Variants in TANC2 observed in about 807,000 individuals in gnomAD.
TANC2 encodes protein TANC2.
TANC2 carries 26 observed loss-of-function variants against 210.5 expected under a neutral mutation model. The ratio of observed to expected loss-of-function variants is 0.12; its 90% confidence interval spans 0.09 to 0.17. TANC2 has a LOEUF of 0.17. Among genes scored for constraint, TANC2 ranks in the 10% least tolerant of loss-of-function variants. The pLI is 1.00. For missense variants in TANC2, 2,129 were observed against 2,608.9 expected (o/e 0.82, Z 4.01); for synonymous variants, 931 against 967.1 (o/e 0.96, Z 0.69).
At chr17:63,008,714 G>C (rs2033734618) in intron 1 of TANC2, among the ~76,000 whole-genome samples, 1 of 152,086 alleles carries the variant, frequency 6.6e-6, no homozygotes, top group Non-Finnish European at 1.5e-5. Context: ...CAGTCAGAGA[G>C]TTTTCCTTTG....
exon 13 of TANC2, chr17:63,351,278 C>T: frequency 1.2e-6 from 2 of 1,607,330 alleles, no homozygotes; most frequent in Non-Finnish European, 1.7e-6. Context: ...AAGATTTCAT[C>T]ATTTTAATTG....
intron 3 of TANC2, among the ~76,000 whole-genome samples, chr17:63,083,588 A>G (rs543767507): frequency 6.6e-6 from 1 of 152,232 alleles, no homozygotes; most frequent in Admixed American, 6.5e-5. Flanking sequence ...TCTCCAAGCC[A>G]GGTAAAATGC....
At chr17:63,404,182 C>T (rs1484541329) in intron 19 of TANC2, among the ~76,000 whole-genome samples, 1 of 152,166 alleles carries the variant, frequency 6.6e-6, no homozygotes, top group Non-Finnish European at 1.5e-5. Flanking sequence ...AACAGTGTTT[C>T]CATCCTCCAT....
chr17:63,067,955 C>T (rs989725838), intron 2 of TANC2, among the ~76,000 whole-genome samples: 6 of 152,158 alleles, frequency 3.9e-5, no homozygotes, highest in African/African-American at 1.2e-4. Context: ...TTTACAGATT[C>T]AGGAAGCTGA....
intron 2 of TANC2, among the ~76,000 whole-genome samples, chr17:63,071,552 A>G (rs1224652985): frequency 2.6e-5 from 4 of 152,134 alleles, no homozygotes; most frequent in Admixed American, 6.6e-5. Flanking sequence ...CAGAATTCCT[A>G]CTGAGGTACT....
exon 10 of TANC2, chr17:63,314,505 A>T (rs759835968): frequency 6.2e-7 from 1 of 1,613,928 alleles, no homozygotes; most frequent in South Asian, 1.1e-5. Flanking sequence ...CACGAAATAG[A>T]TGCTCAACTT....
intron 9 of TANC2, among the ~76,000 whole-genome samples, chr17:63,273,715 T>A (rs1346755634): frequency 3.9e-5 from 6 of 152,224 alleles, no homozygotes. Context: ...TTTCACCTCC[T>A]TCAATACTGC....
intron 11 of TANC2, among the ~76,000 whole-genome samples, chr17:63,324,735 CTTG>C (rs977533087): frequency 4.6e-5 from 7 of 152,026 alleles, no homozygotes; most frequent in Non-Finnish European, 1.0e-4. Context: ...GGAAAACAGC[CTTG>C]TTGTTTATTG....
chr17:63,377,872 C>T (rs1237142320), intron 14 of TANC2, among the ~76,000 whole-genome samples: 2 of 152,158 alleles, frequency 1.3e-5, no homozygotes, highest in Admixed American at 6.5e-5. Flanking sequence ...GCAGAAGGCA[C>T]CTCTTCACAA....
intron 5 of TANC2, among the ~76,000 whole-genome samples, chr17:63,160,799 T>C (rs2039999799): frequency 6.6e-6 from 1 of 152,214 alleles, no homozygotes; most frequent in South Asian, 2.1e-4. Flanking sequence ...CAATACTACA[T>C]ATTTTTGATG....
intron 8 of TANC2, among the ~76,000 whole-genome samples, chr17:63,253,561 T>C (rs187218358): frequency 1.3e-5 from 2 of 152,300 alleles, no homozygotes; most frequent in East Asian, 3.9e-4. Context: ...CTTTAACAGT[T>C]TCATAGTTTG....
intron 19 of TANC2, among the ~76,000 whole-genome samples, chr17:63,403,852 A>C (rs557664059): frequency 4.6e-5 from 7 of 152,358 alleles, no homozygotes; most frequent in Non-Finnish European, 1.0e-4. Flanking sequence ...AATTACAGGT[A>C]GTTTTCATTT....
intron 3 of TANC2, among the ~76,000 whole-genome samples, chr17:63,097,094 G>A (rs1243534710): frequency 6.6e-6 from 1 of 151,454 alleles, no homozygotes; most frequent in Non-Finnish European, 1.5e-5. Context: ...AGGCTAGAGT[G>A]CAGTGGTGTG....
intron 9 of TANC2, among the ~76,000 whole-genome samples, chr17:63,294,727 A>G (rs1199823702): frequency 6.6e-6 from 1 of 152,170 alleles, no homozygotes; most frequent in Non-Finnish European, 1.5e-5. Context: ...TATGCATTTC[A>G]AAGTAAATTG....
At chr17:63,047,109 T>A (rs1415638264) in intron 2 of TANC2, among the ~76,000 whole-genome samples, 1 of 152,124 alleles carries the variant, frequency 6.6e-6, no homozygotes, top group Non-Finnish European at 1.5e-5. Flanking sequence ...AAGGCAGGGA[T>A]TTTAGGTGAA....
chr17:63,073,508 C>T lies in TANC2; in HGVS notation c.68-435C>T, dbSNP rs571186828. 2.0e-5 allele frequency among the ~76,000 whole-genome samples: 3 copies of T among 152,116 alleles called. No homozygotes were observed. In the South Asian group the frequency reaches 6.2e-4, roughly 32 times the overall value. Reference sequence around the variant, plus strand: ...GTTTATTGATTTTTATTTCATAAAACATACGAATGTAATTCTTATTATAGT... The same window carrying T: ...GTTTATTGATTTTTATTTCATAAAATATACGAATGTAATTCTTATTATAGT... On this transcript the variant is annotated intron_variant, in intron 2 of 27. Transcript: ENST00000689528.
chr17:63,281,710 C>G (rs1276666714), intron 9 of TANC2, among the ~76,000 whole-genome samples: 2 of 151,824 alleles, frequency 1.3e-5, no homozygotes, highest in Admixed American at 1.3e-4. Flanking sequence ...GGAACTAAGA[C>G]CTTGCAGGTG....
chr17:63,356,841 T>A (rs1431746823), intron 14 of TANC2, among the ~76,000 whole-genome samples: 7 of 152,190 alleles, frequency 4.6e-5, no homozygotes, highest in South Asian at 4.1e-4. Context: ...TGAGGTCATA[T>A]AGTATGATGC....
At chr17:63,229,422 T>G (rs1167735077) in intron 7 of TANC2, among the ~76,000 whole-genome samples, 1 of 152,172 alleles carries the variant, frequency 6.6e-6, no homozygotes, top group Non-Finnish European at 1.5e-5. Context: ...GGTATCAGAA[T>G]GATGCTGGCC....
Sources: gnomAD v4.1 joint callset for allele counts (sites outside exome capture counted in the v4.1 genomes callset) on GRCh38, gnomAD v4.1.1 for gene constraint, MANE v1.5 for transcripts, NCBI Gene and HGNC (gene_info 2026-07-23, HGNC 2026-07-21) for gene names.